Variants in CXADR observed in about 807,000 individuals in gnomAD.
The protein encoded by CXADR is CXADR cell adhesion molecule.
Under a neutral mutation model 40.3 loss-of-function variants are expected in CXADR, and 20 were observed. That is an observed-to-expected ratio of 0.50 (90% confidence interval 0.35 to 0.72). CXADR has a LOEUF of 0.72. CXADR is among the 30% of genes least tolerant of loss of function. CXADR has a pLI of 0.01. For synonymous variants in CXADR, 150 were observed against 161.3 expected (o/e 0.93, Z 0.53); for missense variants, 332 against 449.1 (o/e 0.74, Z 2.36).
downstream of CXADR, among the ~76,000 whole-genome samples, chr21:17,571,738 A>G (rs1271644015): frequency 6.6e-6 from 1 of 152,174 alleles, no homozygotes; most frequent in Non-Finnish European, 1.5e-5. Context: ...TTATAGGGGG[A>G]AAAGTTGCTA....
At chr21:17,552,747 T>G (rs1569118399) in intron 3 of CXADR, among the ~76,000 whole-genome samples, 1 of 152,112 alleles carries the variant, frequency 6.6e-6, no homozygotes, top group Non-Finnish European at 1.5e-5. Flanking sequence ...TAGGGGACAC[T>G]TGGGGATTGA....
chr21:17,594,353 TAA>T, downstream of CXADR: 1 of 1,599,110 alleles, frequency 6.3e-7, no homozygotes, highest in Non-Finnish European at 8.5e-7. Flanking sequence ...GAGAACACAT[TAA>T]GTTAATTCAA....
chr21:17,532,125 G>A (rs1016576275), intron 1 of CXADR, among the ~76,000 whole-genome samples: 9 of 151,858 alleles, frequency 5.9e-5, no homozygotes, highest in African/African-American at 1.7e-4. Context: ...TAGAGATGGT[G>A]CCTTCCTATG....
the CXADR span, among the ~76,000 whole-genome samples, chr21:17,620,029 T>G: frequency 2.0e-5 from 3 of 152,186 alleles, no homozygotes; most frequent in Non-Finnish European, 4.4e-5. Context: ...ACTTTCTCCA[T>G]ATCAGCAATA....
chr21:17,610,078 G>C, the CXADR span, among the ~76,000 whole-genome samples: 1 of 152,166 alleles, frequency 6.6e-6, no homozygotes, highest in Non-Finnish European at 1.5e-5. Flanking sequence ...AGTCACAAAT[G>C]ACCACATATT....
At chr21:17,615,413 A>G in the CXADR span, among the ~76,000 whole-genome samples, 2 of 152,202 alleles carry the variant, frequency 1.3e-5, no homozygotes, top group African/African-American at 2.4e-5. Flanking sequence ...TATCCACGGT[A>G]GGATATGTTC....
At chr21:17,529,783 A>G (rs957655867) in intron 1 of CXADR, among the ~76,000 whole-genome samples, 3 of 152,276 alleles carry the variant, frequency 2.0e-5, no homozygotes, top group African/African-American at 7.2e-5. Context: ...ACTACCACAC[A>G]GTTTAGACCA....
chr21:17,553,985 A>G (rs2061002824), intron 3 of CXADR, among the ~76,000 whole-genome samples: 1 of 152,204 alleles, frequency 6.6e-6, no homozygotes, highest in African/African-American at 2.4e-5. Context: ...ACTTTCTTCC[A>G]ACACTGCTCT....
the CXADR span, among the ~76,000 whole-genome samples, chr21:17,603,235 C>T: frequency 6.6e-6 from 1 of 152,098 alleles, no homozygotes; most frequent in Non-Finnish European, 1.5e-5. Flanking sequence ...GTTCAGTGGC[C>T]AAAGTTTTCC....
chr21:17,553,098 T>C (rs1380632442), intron 3 of CXADR, among the ~76,000 whole-genome samples: 4 of 152,138 alleles, frequency 2.6e-5, no homozygotes, highest in Non-Finnish European at 5.9e-5. Context: ...AATTTTTGTA[T>C]GTTTAGTAGA....
Position 17,561,384 on chromosome 21 carries a change from G to A in CXADR, c.741G>A (p.Leu247=), listed in dbSNP as rs1381642092. The change falls in exon 6 of 7, where the codon TTG becomes TTA. Residue 247 remains leucine (L), a synonymous_variant. Coordinates refer to ENST00000284878, the MANE Select transcript of CXADR (RefSeq NM_001338.5). ...GLIAGAIIGT[L]LALALIGLII... ...TTGCAGGAGCCATTATAGGAACTTT[G>A]CTTGCTCTAGCGCTCATTGGTCTTA... 6.2e-7 allele frequency: 1 copy of A among 1,606,696 alleles called. No individual in the cohort carries two copies. Among genetic ancestry groups the A allele is most frequent in the South Asian group, 1.1e-5 (1 of 89,508 alleles).
chr21:17,573,839 G>A (rs775786862), downstream of CXADR, among the ~76,000 whole-genome samples: 3 of 152,180 alleles, frequency 2.0e-5, no homozygotes, highest in Admixed American at 6.5e-5. Context: ...CCCAGGAGGC[G>A]GAGGCTGCAG....
intron 4 of CXADR, among the ~76,000 whole-genome samples, chr21:17,559,668 G>GTTTTTTTTTTTTTTTTTTTTTTT (rs1491548660): frequency 1.9e-5 from 2 of 106,208 alleles, no homozygotes; most frequent in Non-Finnish European, 1.8e-5. Flanking sequence ...CTTTTTTTTG[G>GTTTTTTTTTTTTTTTTTTTTTTT]GTTTTTTTTT....
the CXADR span, chr21:17,599,147 A>C: frequency 4.2e-6 from 1 of 236,590 alleles, no homozygotes; most frequent in Non-Finnish European, 8.1e-6. Flanking sequence ...GTATGTACCA[A>C]TGAAATTGGT....
intron 1 of CXADR, chr21:17,518,674 T>A: frequency 6.2e-7 from 1 of 1,610,362 alleles, no homozygotes. Flanking sequence ...TGTTAAACTG[T>A]CAGCACCAAG....
intron 1 of CXADR, among the ~76,000 whole-genome samples, chr21:17,534,752 A>G (rs932915793): frequency 2.0e-5 from 3 of 150,522 alleles, no homozygotes; most frequent in Non-Finnish European, 4.4e-5. Flanking sequence ...AAATCTTTTA[A>G]CATACTAGTT....
At chr21:17,570,883 G>T (rs946605913), downstream of CXADR, among the ~76,000 whole-genome samples, 4 of 152,152 alleles carry the variant, frequency 2.6e-5, no homozygotes, top group Admixed American at 6.5e-5. Flanking sequence ...TTATACTAGG[G>T]TTTCTCAACC....
intron 1 of CXADR, among the ~76,000 whole-genome samples, chr21:17,528,068 CTTTTTTTTTT>C (rs35477813): frequency 6.4e-5 from 5 of 78,354 alleles, no homozygotes; most frequent in African/African-American, 1.5e-4. Context: ...TTAGTTCTTT[CTTTTTTTTTT>C]TTTTTTTTTT....
intron 7 of CXADR, among the ~76,000 whole-genome samples, chr21:17,586,105 T>G (rs1176896663): frequency 6.6e-6 from 1 of 152,170 alleles, no homozygotes; most frequent in Non-Finnish European, 1.5e-5. Context: ...TTATTCCTTT[T>G]CATCTGGTCT....
Sources: gnomAD v4.1 joint callset for allele counts (sites outside exome capture counted in the v4.1 genomes callset) on GRCh38, gnomAD v4.1.1 for gene constraint, MANE v1.5 for transcripts, NCBI Gene and HGNC (gene_info 2026-07-23, HGNC 2026-07-21) for gene names.